FGF2: variants seen among roughly 807,000 people sequenced by gnomAD.
FGF2 encodes the protein fibroblast growth factor 2, also known as basic fibroblast growth factor bFGF.
A neutral mutation model predicts 15.9 loss-of-function variants in FGF2; 13 were observed. The observed-to-expected ratio is 0.82, with a 90% CI of 0.53 to 1.30. The LOEUF (loss-of-function observed/expected upper bound fraction) is 1.30. FGF2 is among the 50% of genes most tolerant of loss of function. The probability of loss-of-function intolerance (pLI) is 0.00; values close to 1 mark genes in which losing one functional copy is unlikely to be tolerated. For missense variants in FGF2, 163 were observed against 196.9 expected (o/e 0.83, Z 1.03); for synonymous variants, 90 against 78.4 (o/e 1.15, Z -0.78).
chr4:122,879,389 A>G (rs527458736), intron 2 of FGF2, among the ~76,000 whole-genome samples: 2 of 152,354 alleles, frequency 1.3e-5, no homozygotes, highest in South Asian at 4.1e-4. Flanking sequence ...GGCTACTGTC[A>G]GACAGTGAGG....
At chr4:122,835,633 C>A (rs903177351) in intron 1 of FGF2, among the ~76,000 whole-genome samples, 1 of 152,118 alleles carries the variant, frequency 6.6e-6, no homozygotes, top group African/African-American at 2.4e-5. Flanking sequence ...GTCTTTGATG[C>A]CTTTCTCTAC....
chr4:122,857,887 C>T lies in FGF2; in HGVS notation c.179-18434C>T, dbSNP rs188743541. ...TAAATTGTTTTAATTATTTTGTCAT[C>T]ATCTACAATCTTAAGTTTCATAATA... On this transcript the variant is annotated intron_variant, in intron 1 of 2. Transcript: ENST00000644866. 4.6e-5 allele frequency among the ~76,000 whole-genome samples: 7 copies of T among 152,252 alleles called. No individual in the cohort carries two copies. The East Asian group carries it at 1.3e-3, about 29-fold the overall frequency.
In FGF2 at chr4:122,896,463, A is replaced by G. The variant is rs1383127007; in HGVS notation, c.*4067A>G. ...TATAGATTGGGTAAGGCTGCAAAAC[A>G]TAAGCTTAATTAGCTCACATGCTCT... is the stretch of plus-strand genomic sequence containing the variant. On this transcript the variant is annotated 3_prime_UTR_variant, in exon 3 of 3. Coordinates refer to ENST00000644866, the MANE Select transcript of FGF2 (RefSeq NM_001361665.2). The G allele has an allele frequency of 6.6e-6, 1 of 152,182 alleles. No homozygotes were observed. The allele number at this position is 152,182 out of a possible 1,614,324, so 9.4% of individuals were successfully genotyped here.
intron 2 of FGF2, chr4:122,890,144 GA>G (rs1727137853): frequency 6.6e-6 from 1 of 152,104 alleles, no homozygotes; most frequent in Non-Finnish European, 1.5e-5. Flanking sequence ...GAAGATGACA[GA>G]ATAAAGTAAC....
intron 1 of FGF2, among the ~76,000 whole-genome samples, chr4:122,856,562 TA>T (rs1406262985): frequency 2.0e-5 from 3 of 152,234 alleles, no homozygotes; most frequent in Non-Finnish European, 4.4e-5. Context: ...AGCACAGATT[TA>T]AAATATTAAT....
intron 1 of FGF2, among the ~76,000 whole-genome samples, chr4:122,858,965 T>C (rs1045978087): frequency 1.3e-5 from 2 of 152,218 alleles, no homozygotes; most frequent in African/African-American, 4.8e-5. Context: ...AAAAAAGGTC[T>C]TTTGAATCAG....
rs536511197 is a variant in FGF2, at chr4:122,866,096, G to A, written c.179-10225G>A. 5.4e-4 allele frequency among the ~76,000 whole-genome samples: 83 copies of A among 152,300 alleles called. 1 individual carries two copies. The highest frequency in any genetic ancestry group is 1.8e-3 in the African/African-American group (76 of 41,578). On this transcript the variant is annotated intron_variant, in intron 1 of 2. Transcript: ENST00000644866. ...TCAAGAAAGTGAAAAGAGGCCGGGCGCGGTGGCTCATGCCTGTAATCCCAG... is the reference window on the plus strand; with the variant it reads ...TCAAGAAAGTGAAAAGAGGCCGGGCACGGTGGCTCATGCCTGTAATCCCAG...
intron 1 of FGF2, among the ~76,000 whole-genome samples, chr4:122,830,779 CACTT>C (rs1725746855): frequency 7.9e-6 from 1 of 126,346 alleles, no homozygotes; most frequent in Admixed American, 1.1e-4. Context: ...TGCTTATGTA[CACTT>C]AGTATTCAAT....
At chr4:122,865,277 T>TTTG (rs1560749300) in intron 1 of FGF2, among the ~76,000 whole-genome samples, 9 of 151,748 alleles carry the variant, frequency 5.9e-5, no homozygotes, top group Non-Finnish European at 8.8e-5. Flanking sequence ...CTCTGTTTTT[T>TTTG]TTTGTTTGTT....
At chr4:122,889,816 T>G (rs1030236006) in intron 2 of FGF2, among the ~76,000 whole-genome samples, 22 of 152,334 alleles carry the variant, frequency 1.4e-4, no homozygotes, top group Middle Eastern at 6.8e-3. Context: ...TCTGAAATAT[T>G]AGGAACTGGC....
At chr4:122,886,508 A>C (rs182580465) in intron 2 of FGF2, among the ~76,000 whole-genome samples, 1 of 152,150 alleles carries the variant, frequency 6.6e-6, no homozygotes, top group South Asian at 2.1e-4. Context: ...TATCTACATA[A>C]ATCGTCATTC....
chr4:122,880,408 G>A (rs574573574), intron 2 of FGF2, among the ~76,000 whole-genome samples: 4 of 151,988 alleles, frequency 2.6e-5, no homozygotes, highest in African/African-American at 4.8e-5. Context: ...CACCATGCCC[G>A]GCTAATTTTT....
At position 122,897,576 on chromosome 4, in the gene FGF2, A is replaced by T; in HGVS notation, c.*5180A>T. 1 of 1,286,864 alleles carries T rather than the reference A, an allele frequency of 7.8e-7. No individual in the cohort carries two copies. The highest frequency in any genetic ancestry group is 1.1e-6 in the Non-Finnish European group (1 of 882,982). 79.7% of individuals were successfully genotyped at this position (1,286,864 alleles called of 1,614,324 possible). On this transcript the variant is annotated 3_prime_UTR_variant, in exon 3 of 3. Coordinates refer to ENST00000644866, the MANE Select transcript of FGF2 (RefSeq NM_001361665.2). The stretch of plus-strand genomic sequence containing the variant: ...TATAAAGCAAGAAAGTAAACACATT[A>T]ATTTCCTCAACATTTTTAAGCCAAT...
At chr4:122,860,882 C>T (rs768012626) in intron 1 of FGF2, among the ~76,000 whole-genome samples, 5 of 152,160 alleles carry the variant, frequency 3.3e-5, no homozygotes, top group South Asian at 2.1e-4. Context: ...TTTTCTGTTC[C>T]GAGATCCAAT....
At chr4:122,859,503 C>T (rs1398990022) in intron 1 of FGF2, among the ~76,000 whole-genome samples, 3 of 152,012 alleles carry the variant, frequency 2.0e-5, no homozygotes, top group Non-Finnish European at 4.4e-5. Flanking sequence ...TCATACTTGC[C>T]CTCTTCTAGA....
At chr4:122,891,943 C>G (rs1396187077) in intron 2 of FGF2, among the ~76,000 whole-genome samples, 2 of 152,120 alleles carry the variant, frequency 1.3e-5, no homozygotes, top group African/African-American at 4.8e-5. Flanking sequence ...TGTTTTGGAG[C>G]TGGAGAATTG....
chr4:122,865,958 A>C (rs1039161841), intron 1 of FGF2, among the ~76,000 whole-genome samples: 5 of 152,250 alleles, frequency 3.3e-5, no homozygotes, highest in Non-Finnish European at 7.3e-5. Context: ...TCATGACCCT[A>C]GATTAGGCAG....
chr4:122,894,051 G>T lies in FGF2; in HGVS notation c.*1655G>T, dbSNP rs1727273993. 6.6e-6 allele frequency: 1 copy of T among 152,222 alleles called. No homozygotes were observed. Among genetic ancestry groups the T allele is most frequent in the Admixed American group, 6.5e-5 (1 of 15,284 alleles). The allele number at this position is 152,222 out of a possible 1,614,324, so 9.4% of individuals were successfully genotyped here. A position where few individuals can be genotyped will look rare whatever the true frequency, so the allele number is the denominator to read the frequency against. On this transcript the variant is annotated 3_prime_UTR_variant, in exon 3 of 3. Coordinates refer to ENST00000644866, the MANE Select transcript of FGF2 (RefSeq NM_001361665.2). ...GTGAAAAACATGCAAAGAAGAGGAA[G>T]TCACAGAAACATGTCTCAATTCCCA...
chr4:122,847,070 C>T (rs986273521), intron 1 of FGF2, among the ~76,000 whole-genome samples: 6 of 152,182 alleles, frequency 3.9e-5, no homozygotes, highest in African/African-American at 1.4e-4. Flanking sequence ...AGAAGCAAGG[C>T]CTTGATCATT....
Sources: allele counts gnomAD v4.1 joint callset (sites outside exome capture counted in the v4.1 genomes callset), GRCh38; gene constraint gnomAD v4.1.1; transcripts MANE v1.5; gene names NCBI Gene and HGNC (gene_info 2026-07-23, HGNC 2026-07-21).